Variants in GNPTAB observed in about 807,000 individuals in gnomAD.
The protein encoded by GNPTAB is N-acetylglucosamine-1-phosphate transferase subunits alpha and beta.
GNPTAB carries 92 observed loss-of-function variants against 136.6 expected under a neutral mutation model. The ratio of observed to expected loss-of-function variants is 0.67; its 90% CI spans 0.57 to 0.80. The LOEUF is 0.80. Ranked by LOEUF, GNPTAB falls within the 30% of genes least tolerant of loss-of-function variation. The pLI is 0.00. For missense variants in GNPTAB, 1,343 were observed against 1,501.8 expected, an observed-to-expected ratio of 0.89 and a Z score of 1.75; for synonymous variants, 512 against 535.1, an observed-to-expected ratio of 0.96 and a Z score of 0.60.
intron 2 of GNPTAB, among the ~76,000 whole-genome samples, chr12:101,794,810 T>C (rs1869187401): frequency 6.6e-6 from 1 of 152,114 alleles, no homozygotes; most frequent in Non-Finnish European, 1.5e-5. Flanking sequence ...CTCATCCCTT[T>C]AATCTCAGCA....
At chr12:101,808,375 TAAAA>T (rs779978335) in intron 1 of GNPTAB, among the ~76,000 whole-genome samples, 1 of 106,714 alleles carries the variant, frequency 9.4e-6, no homozygotes, top group Non-Finnish European at 1.9e-5. Flanking sequence ...CCCGGGCAAT[TAAAA>T]AAAAAAAAAA....
chr12:101,764,974 C>T lies in GNPTAB; in HGVS notation c.1943G>A (p.Gly648Asp), dbSNP rs373662553. ...TATGGGACTAACTAAATTTTCGTAA[C>T]CCTTCTGGGCTGTAGAATTCAGTTT... ...GPKLNSTAQK[G>D]YENLVSPITL... Residue 648 changes from glycine to aspartate, a missense_variant, in exon 13 of 21, where the codon GGT becomes GAT. Coordinates refer to ENST00000299314, the MANE Select transcript of GNPTAB (RefSeq NM_024312.5). 3.7e-6 allele frequency: 6 copies of T among 1,613,940 alleles called. No individual in the cohort carries two copies. In the Admixed American group the frequency reaches 8.3e-5, roughly 22 times the overall value.
Position 101,786,145 on chromosome 12 carries a change from T to G in GNPTAB, c.438A>C (p.Pro146=), listed in dbSNP as rs1473765596. ...VPMLVLDPAL[P]ANITLKDLPS... The stretch of plus-strand genomic sequence containing the variant: ...GCAGGTCCTTCAGGGTGATGTTGGC[T>G]GGCAGGGCTGGGTCCAGGACAAGCA... Residue 146 remains proline, a synonymous_variant, in exon 5 of 21, where the codon CCA becomes CCC. Coordinates refer to ENST00000299314, the MANE Select transcript of GNPTAB (RefSeq NM_024312.5). The G allele has an allele frequency of 1.2e-6, 2 of 1,614,100 alleles. No individual in the cohort carries two copies. Among genetic ancestry groups the G allele is most frequent in the Non-Finnish European group, 1.7e-6 (2 of 1,179,994 alleles).
At chr12:101,776,845 C>G (rs1434357032) in intron 7 of GNPTAB, among the ~76,000 whole-genome samples, 1 of 152,254 alleles carries the variant, frequency 6.6e-6, no homozygotes, top group Non-Finnish European at 1.5e-5. Flanking sequence ...CAGAGCTGAG[C>G]TGAGCCCTAG....
intron 12 of GNPTAB, chr12:101,765,530 G>C (rs1953077462): frequency 3.7e-6 from 2 of 545,594 alleles, no homozygotes; most frequent in Non-Finnish European, 6.5e-6. Flanking sequence ...CTTTCTAAGA[G>C]TGACTTTAAT....
chr12:101,767,902 C>A, intron 11 of GNPTAB, 135 bp downstream of exon 11: 1 of 1,000,446 alleles, frequency 1.0e-6, no homozygotes, highest in East Asian at 2.6e-5. Context: ...TAAGCATGAG[C>A]CACCATGCCC....
chr12:101,811,509 A>T (rs554808134), intron 1 of GNPTAB, among the ~76,000 whole-genome samples: 2 of 151,928 alleles, frequency 1.3e-5, no homozygotes, highest in Non-Finnish European at 2.9e-5. Context: ...GTTCTGCAGG[A>T]TGTACAGGAA....
intron 4 of GNPTAB, 117 bp from the exon 5 acceptor site, chr12:101,786,334 A>G (rs1478025205): frequency 1.4e-5 from 11 of 809,610 alleles, no homozygotes; most frequent in Non-Finnish European, 1.8e-5. Context: ...AAATGATAAT[A>G]TTTTAACAAA....
At chr12:101,830,004 C>CAAAAAAAAAA (rs35884808) in intron 1 of GNPTAB, among the ~76,000 whole-genome samples, 8 of 106,148 alleles carry the variant, frequency 7.5e-5, no homozygotes, top group African/African-American at 9.7e-5. Flanking sequence ...AACCTCCTAC[C>CAAAAAAAAAA]AAAAAAAAAA....
At position 101,830,765 on chromosome 12, in the gene GNPTAB, G is replaced by C. The variant is rs968478879; in HGVS notation, c.-90C>G. On this transcript the variant is annotated 5_prime_UTR_variant, in exon 1 of 21. Transcript: ENST00000299314. ...AGCGAGCCGCCATTCAGGGGCCCCGGTCGGGCCGCCGCGCGCAGGTCACAG... is the reference window on the plus strand; with the variant it reads ...AGCGAGCCGCCATTCAGGGGCCCCGCTCGGGCCGCCGCGCGCAGGTCACAG... 54 of 704,192 alleles carry C rather than the reference G, an allele frequency of 7.7e-5. No individual in the cohort carries two copies. In the African/African-American group the frequency reaches 9.5e-4, roughly 12 times the overall value. 43.6% of individuals were successfully genotyped at this position (704,192 alleles called of 1,614,324 possible).
intron 1 of GNPTAB, 21 bp downstream of exon 1, chr12:101,830,538 G>A (rs1420941722): frequency 6.7e-7 from 1 of 1,484,804 alleles, no homozygotes; most frequent in Admixed American, 1.7e-5. Flanking sequence ...GCCCGGTCCA[G>A]GCTGCGGCGC....
At chr12:101,771,303 G>A (rs1354344822) in intron 7 of GNPTAB, 146 bp from the exon 8 acceptor site, 1 of 732,532 alleles carries the variant, frequency 1.4e-6, no homozygotes, top group Non-Finnish European at 2.3e-6. Flanking sequence ...GAGCGCAGTG[G>A]CACGATCTCT....
At chr12:101,812,149 G>C (rs1870272690) in intron 1 of GNPTAB, among the ~76,000 whole-genome samples, 1 of 152,018 alleles carries the variant, frequency 6.6e-6, no homozygotes, top group Non-Finnish European at 1.5e-5. Flanking sequence ...GGAGGCTGAG[G>C]CAGAAGAACT....
chr12:101,761,776 T>G lies in GNPTAB; in HGVS notation c.2716-13A>C, dbSNP rs1006106723. On this transcript the variant is annotated splice_polypyrimidine_tract_variant and intron_variant, in intron 13 of 20. Coordinates refer to ENST00000299314, the MANE Select transcript of GNPTAB (RefSeq NM_024312.5). Reference sequence around the variant, plus strand: ...ATGACTCTTCTTCCTGAAAAGAGAATTCTACATGTAACTCAGCATTATGTT... The same window carrying G: ...ATGACTCTTCTTCCTGAAAAGAGAAGTCTACATGTAACTCAGCATTATGTT... 1 of 1,578,742 alleles carries G rather than the reference T, an allele frequency of 6.3e-7. No individual in the cohort carries two copies. The highest frequency in any genetic ancestry group is 8.7e-7 in the Non-Finnish European group (1 of 1,148,636).
Position 101,749,107 on chromosome 12 carries a change from A to G in GNPTAB, c.3687T>C (p.Ala1229=). 6.3e-7 allele frequency: 1 copy of G among 1,591,980 alleles called. No homozygotes were observed. Among genetic ancestry groups the G allele is most frequent in the Non-Finnish European group, 8.6e-7 (1 of 1,160,068 alleles). Residue 1229 remains alanine, a synonymous_variant, in exon 20 of 21, where the codon GCT becomes GCC. Coordinates refer to ENST00000299314, the MANE Select transcript of GNPTAB (RefSeq NM_024312.5). ...TAAAATATATAAAACTTACCTGCTC[A>G]GCAAAAAATGAGAATATAGTAAACA... The part of the protein sequence containing the change: ...LIMFTIFSFF[A]EQLIALKRKI...
Position 101,764,844 on chromosome 12 carries a change from T to TC in GNPTAB, c.2072_2073insG (p.Glu692ArgfsTer56), listed in dbSNP as rs1043530261. ...TATTTACCAGGGGAATTTTCACCTCTTCCTGGGCTCTCCTTGTTGAGTTAA... is the reference window on the plus strand; with the variant it reads ...TATTTACCAGGGGAATTTTCACCTCTCTCCTGGGCTCTCCTTGTTGAGTTAA... On this transcript the variant is annotated frameshift_variant, in exon 13 of 21. Coordinates refer to ENST00000299314, the MANE Select transcript of GNPTAB (RefSeq NM_024312.5). LOFTEE classifies it high-confidence loss of function. The TC allele has an allele frequency of 1.2e-6, 2 of 1,614,080 alleles. No homozygotes were observed. Among genetic ancestry groups the TC allele is most frequent in the African/African-American group, 1.3e-5 (1 of 74,948 alleles).
chr12:101,828,984 G>A (rs1487970002), intron 1 of GNPTAB, among the ~76,000 whole-genome samples: 3 of 152,186 alleles, frequency 2.0e-5, no homozygotes, highest in African/African-American at 7.2e-5. Flanking sequence ...GCCTAATCAT[G>A]CAGCTCCTCT....
chr12:101,789,951 G>C lies in GNPTAB; in HGVS notation c.310C>G (p.Gln104Glu). 1.2e-6 allele frequency: 2 copies of C among 1,613,874 alleles called. No individual in the cohort carries two copies. Among genetic ancestry groups the C allele is most frequent in the Non-Finnish European group, 1.7e-6 (2 of 1,179,918 alleles). ...QQVREQMEEEQKAMREILGKN... is the reference protein window; with the variant it reads ...QQVREQMEEEEKAMREILGKN... ...AATCAGTTTTACCTCATTGCTTTCTGCTCCTCCTCCATCTGTTCTCTGACC... is the reference window on the plus strand; with the variant it reads ...AATCAGTTTTACCTCATTGCTTTCTCCTCCTCCTCCATCTGTTCTCTGACC... The change falls in exon 3 of 21, where the codon CAG becomes GAG. Residue 104 changes from glutamine (Q) to glutamate (E), a missense_variant. Gln to Glu is a conservative substitution (Grantham distance 29). Coordinates refer to ENST00000299314, the MANE Select transcript of GNPTAB (RefSeq NM_024312.5).
Position 101,782,313 on chromosome 12 carries a change from T to A in GNPTAB, c.572-1692A>T, listed in dbSNP as rs555690343. 1.8e-3 allele frequency among the ~76,000 whole-genome samples: 278 copies of A among 152,136 alleles called. 4 individuals carry two copies. The highest frequency in any genetic ancestry group is 3.4e-3 in the Middle Eastern group (1 of 294). ...CATTAGAATATATAAGTTTTTTTTT[T>A]AAAAAGATAAGTTTTACTCAACAGT... is the stretch of plus-strand genomic sequence containing the variant. On this transcript the variant is annotated intron_variant, in intron 5 of 20. Coordinates refer to ENST00000299314, the MANE Select transcript of GNPTAB (RefSeq NM_024312.5).
Sources: allele counts gnomAD v4.1 joint callset (sites outside exome capture counted in the v4.1 genomes callset), GRCh38; gene constraint gnomAD v4.1.1; transcripts MANE v1.5; gene names NCBI Gene and HGNC (gene_info 2026-07-23, HGNC 2026-07-21).